Variants in NR3C1 observed in about 807,000 individuals in gnomAD.
NR3C1 encodes glucocorticoid receptor.
NR3C1 carries 14 observed loss-of-function variants against 74.0 expected under a neutral mutation model. The ratio of observed to expected loss-of-function variants is 0.19; its 90% CI spans 0.12 to 0.30. NR3C1 has a LOEUF of 0.30. NR3C1 is among the 10% of genes least tolerant of loss of function. The pLI, the probability that NR3C1 is intolerant of heterozygous loss-of-function variation, is 1.00. For missense variants in NR3C1, 695 were observed against 909.8 expected (o/e 0.76, Z 3.04); for synonymous variants, 308 against 332.5 (o/e 0.93, Z 0.80).
At chr5:143,345,608 C>T (rs554021839) in intron 2 of NR3C1, among the ~76,000 whole-genome samples, 1 of 152,316 alleles carries the variant, frequency 6.6e-6, no homozygotes, top group Non-Finnish European at 1.5e-5. Flanking sequence ...CAAGCCTGCC[C>T]TAATTATTAT....
Position 143,279,534 on chromosome 5 carries a change from C to T in NR3C1, c.*2355G>A, listed in dbSNP as rs1812796972. 1 of 881,432 alleles carries T rather than the reference C, an allele frequency of 1.1e-6. No individual in the cohort carries two copies. 54.6% of individuals were successfully genotyped at this position (881,432 alleles called of 1,614,324 possible). Reference sequence around the variant, plus strand: ...TTTATCCAGCCGGGTTACACACCATCTTAAAATATTACATTCCCTTTTAGA... The same window carrying T: ...TTTATCCAGCCGGGTTACACACCATTTTAAAATATTACATTCCCTTTTAGA... On this transcript the variant is annotated 3_prime_UTR_variant, in exon 9 of 9. Coordinates refer to ENST00000394464, the MANE Select transcript of NR3C1 (RefSeq NM_000176.3).
chr5:143,301,627 A>T (rs980744643), intron 4 of NR3C1, among the ~76,000 whole-genome samples: 1 of 152,108 alleles, frequency 6.6e-6, no homozygotes, highest in African/African-American at 2.4e-5. Context: ...AAGTTATTTT[A>T]GTGACTAAAT....
At chr5:143,299,017 T>TTG (rs1817913698) in intron 5 of NR3C1, among the ~76,000 whole-genome samples, 1 of 147,926 alleles carries the variant, frequency 6.8e-6, no homozygotes, top group Non-Finnish European at 1.5e-5. Flanking sequence ...TTTTTTTTTT[T>TTG]TTTTTTTTTT....
At chr5:143,295,097 A>G in intron 7 of NR3C1, 3 of 985,380 alleles carry the variant, frequency 3.0e-6, no homozygotes, top group Non-Finnish European at 3.6e-6. Flanking sequence ...TTAGGAAACT[A>G]AAATTTTTAA....
intron 4 of NR3C1, among the ~76,000 whole-genome samples, chr5:143,304,089 GA>G (rs1220378921): frequency 6.6e-6 from 1 of 152,010 alleles, no homozygotes; most frequent in Non-Finnish European, 1.5e-5. Context: ...AAGAGAAAGA[GA>G]TAAAAGGCTT....
At chr5:143,327,049 C>T (rs1356118973) in intron 2 of NR3C1, among the ~76,000 whole-genome samples, 1 of 152,148 alleles carries the variant, frequency 6.6e-6, no homozygotes, top group Non-Finnish European at 1.5e-5. Context: ...ATCTTCATTA[C>T]TATCCTGTAT....
At chr5:143,399,567 A>G in intron 2 of NR3C1, 89 bp downstream of exon 2, 3 of 1,049,824 alleles carry the variant, frequency 2.9e-6, no homozygotes, top group Non-Finnish European at 4.4e-6. Flanking sequence ...ATGAATCTTT[A>G]GAGAACACAT....
Position 143,403,289 on chromosome 5 carries a change from CAGA to C in NR3C1, c.-95_-93del, listed in dbSNP as rs1271997525. On this transcript the variant is annotated 5_prime_UTR_variant, in exon 1 of 9. Coordinates refer to ENST00000394464, the MANE Select transcript of NR3C1 (RefSeq NM_000176.3). ...AGATAAACAACTTAGCTTGTGAACG[CAGA>C]AGGAGCAGGAGGGAAATATATTTTT... is the stretch of plus-strand genomic sequence containing the variant. 39 of 985,406 alleles carry C rather than the reference CAGA, an allele frequency of 4.0e-5. No individual in the cohort carries two copies. The highest frequency in any genetic ancestry group is 4.6e-5 in the Non-Finnish European group (38 of 830,052). The allele number at this position is 985,406 out of a possible 1,614,324, so 61.0% of individuals were successfully genotyped here.
chr5:143,373,688 TAG>T (rs200246247), intron 2 of NR3C1, among the ~76,000 whole-genome samples: 1,929 of 152,118 alleles, frequency 0.013, 46 homozygotes, highest in African/African-American at 0.044. Context: ...ATGTATTATT[TAG>T]GGATATGTAG....
intron 2 of NR3C1, among the ~76,000 whole-genome samples, chr5:143,366,575 G>GA (rs557317288): frequency 1.4e-5 from 2 of 146,794 alleles, no homozygotes; most frequent in Non-Finnish European, 3.0e-5. Context: ...GACTGACCAA[G>GA]AAAAAAAAGG....
At chr5:143,299,087 T>G (rs1364246020) in intron 5 of NR3C1, among the ~76,000 whole-genome samples, 1 of 147,798 alleles carries the variant, frequency 6.8e-6, no homozygotes, top group African/African-American at 2.5e-5. Flanking sequence ...CCATCTCGGC[T>G]CACTGCAACC....
At position 143,279,558 on chromosome 5, in the gene NR3C1, G is replaced by A; in HGVS notation, c.*2331C>T. The stretch of plus-strand genomic sequence containing the variant: ...TCTTAAAATATTACATTCCCTTTTA[G>A]AGAGCATTCAAAAAGCAAATGATTG... On this transcript the variant is annotated 3_prime_UTR_variant, in exon 9 of 9. Coordinates refer to ENST00000394464, the MANE Select transcript of NR3C1 (RefSeq NM_000176.3). The A allele has an allele frequency of 1.6e-6, 1 of 610,976 alleles. No homozygotes were observed. 37.8% of individuals were successfully genotyped at this position (610,976 alleles called of 1,614,324 possible). A position where few individuals can be genotyped will look rare whatever the true frequency, so the allele number is the denominator to read the frequency against.
intron 1 of NR3C1, among the ~76,000 whole-genome samples, chr5:143,432,419 G>A (rs1751874579): frequency 6.6e-6 from 1 of 152,170 alleles, no homozygotes; most frequent in African/African-American, 2.4e-5. Context: ...TTCTAGTCCT[G>A]AGGGGCATCT....
intron 2 of NR3C1, among the ~76,000 whole-genome samples, chr5:143,346,650 T>C (rs915578548): frequency 1.3e-5 from 2 of 152,210 alleles, no homozygotes; most frequent in Admixed American, 1.3e-4. Context: ...GTTTATATCC[T>C]AGTTGTGACT....
upstream of NR3C1, chr5:143,403,813 G>A (rs1840818553): frequency 1.0e-6 from 1 of 971,890 alleles, no homozygotes. Flanking sequence ...AACTGCAGGG[G>A]CGCCCGCGGT....
At chr5:143,341,919 G>A (rs1160008606) in intron 2 of NR3C1, among the ~76,000 whole-genome samples, 1 of 152,072 alleles carries the variant, frequency 6.6e-6, no homozygotes, top group Admixed American at 6.6e-5. Context: ...AGAGGGAGGA[G>A]GGGCAAAATG....
chr5:143,281,209 C>A lies in NR3C1; in HGVS notation c.*680G>T, dbSNP rs1449556451. The stretch of plus-strand genomic sequence containing the variant: ...GCTAAGTGCCATCAGGTTAGAAGCA[C>A]CAACCCATTTTCACACAGATGATTG... On this transcript the variant is annotated 3_prime_UTR_variant, in exon 9 of 9. Coordinates refer to ENST00000394464, the MANE Select transcript of NR3C1 (RefSeq NM_000176.3). The A allele has an allele frequency of 6.8e-6, 1 of 147,702 alleles. No individual in the cohort carries two copies. The highest frequency in any genetic ancestry group is 1.5e-5 in the Non-Finnish European group (1 of 67,354). 9.1% of individuals were successfully genotyped at this position (147,702 alleles called of 1,614,324 possible).
intron 2 of NR3C1, among the ~76,000 whole-genome samples, chr5:143,349,534 C>T (rs556673836): frequency 2.5e-4 from 38 of 152,246 alleles, no homozygotes; most frequent in African/African-American, 8.9e-4. Context: ...ACACCCAGGC[C>T]TTGGGTTTTT....
intron 7 of NR3C1, among the ~76,000 whole-genome samples, chr5:143,286,531 G>C (rs973706585): frequency 2.6e-5 from 4 of 152,052 alleles, no homozygotes; most frequent in African/African-American, 9.7e-5. Flanking sequence ...AGGCACAAAA[G>C]CATATGATAA....
Sources: allele counts gnomAD v4.1 joint callset (sites outside exome capture counted in the v4.1 genomes callset), GRCh38; gene constraint gnomAD v4.1.1; transcripts MANE v1.5; gene names NCBI Gene and HGNC (gene_info 2026-07-23, HGNC 2026-07-21).